PDE4D: variants seen among roughly 807,000 people sequenced by gnomAD.
PDE4D encodes the protein 3',5'-cyclic-AMP phosphodiesterase 4D.
In PDE4D, 24 loss-of-function variants were observed where a neutral mutation model predicts 87.4. The observed-to-expected ratio is 0.27, with a 90% CI of 0.20 to 0.39. PDE4D has a LOEUF of 0.39. PDE4D is among the 10% of genes least tolerant of loss of function. The pLI, the probability that PDE4D is intolerant of heterozygous loss-of-function variation, is 1.00. For missense variants in PDE4D, 714 were observed against 1,041.0 expected, an observed-to-expected ratio of 0.69 and a Z score of 4.32; for synonymous variants, 384 against 383.2, an observed-to-expected ratio of 1.00 and a Z score of -0.02.
At chr5:59,775,518 A>T (rs967623529) in intron 1 of PDE4D, among the ~76,000 whole-genome samples, 1 of 152,086 alleles carries the variant, frequency 6.6e-6, no homozygotes, top group African/African-American at 2.4e-5. Context: ...AAAAAAATTA[A>T]ATAACTTCCT....
chr5:60,046,170 CTGT>C (rs896651168), intron 2 of PDE4D, among the ~76,000 whole-genome samples: 3 of 152,126 alleles, frequency 2.0e-5, no homozygotes, highest in African/African-American at 7.2e-5. Context: ...CTCTGTTTGT[CTGT>C]TGTTGGTGTA....
At chr5:59,863,735 T>C (rs1351417111) in intron 1 of PDE4D, among the ~76,000 whole-genome samples, 1 of 152,220 alleles carries the variant, frequency 6.6e-6, no homozygotes. Flanking sequence ...ACATGAGATG[T>C]CTTTTAGTTC....
chr5:59,628,722 G>T (rs984002374), intron 1 of PDE4D, among the ~76,000 whole-genome samples: 5 of 152,122 alleles, frequency 3.3e-5, no homozygotes, highest in African/African-American at 1.2e-4. Context: ...ATGATTCTAT[G>T]ATTTACTTTG....
At chr5:59,059,730 A>G (rs1043876655) in intron 5 of PDE4D, among the ~76,000 whole-genome samples, 2 of 152,212 alleles carry the variant, frequency 1.3e-5, no homozygotes, top group African/African-American at 4.8e-5. Flanking sequence ...AGCACAAAAT[A>G]ACACAACTTT....
Position 59,600,328 on chromosome 5 carries a change from G to A in PDE4D, c.455+292840C>T, listed in dbSNP as rs145166545. On this transcript the variant is annotated intron_variant, in intron 1 of 14. Coordinates refer to ENST00000340635, the MANE Select transcript of PDE4D (RefSeq NM_001104631.2). ...CAAGTTCTTGCTCAGGCATGAAAGG[G>A]TGCATTTTCTGCCTTTGGTCCTGGT... is the stretch of plus-strand genomic sequence containing the variant. 4.6e-3 allele frequency among the ~76,000 whole-genome samples: 703 copies of A among 152,276 alleles called. 8 individuals are homozygous for A. The highest frequency in any genetic ancestry group is 0.015 in the African/African-American group (635 of 41,560).
intron 2 of PDE4D, among the ~76,000 whole-genome samples, chr5:60,072,299 G>C (rs1372136653): frequency 2.6e-5 from 4 of 152,054 alleles, no homozygotes; most frequent in African/African-American, 9.7e-5. Flanking sequence ...ATGCTTGTTA[G>C]CTGCACGTAC....
chr5:59,849,535 T>C (rs925059299), intron 1 of PDE4D, among the ~76,000 whole-genome samples: 1 of 151,934 alleles, frequency 6.6e-6, no homozygotes, highest in Admixed American at 6.6e-5. Context: ...CTCATCTCTA[T>C]TATTTATATG....
intron 2 of PDE4D, among the ~76,000 whole-genome samples, chr5:60,157,778 A>G (rs1483036829): frequency 6.6e-6 from 1 of 152,172 alleles, no homozygotes; most frequent in Non-Finnish European, 1.5e-5. Flanking sequence ...CACTGCTCCC[A>G]ACTCAGTTAG....
intron 1 of PDE4D, among the ~76,000 whole-genome samples, chr5:59,606,941 G>T (rs543195124): frequency 2.0e-5 from 3 of 151,924 alleles, no homozygotes; most frequent in South Asian, 2.1e-4. Flanking sequence ...TACAGAAGGG[G>T]GGGAAGGGGA....
intron 1 of PDE4D, among the ~76,000 whole-genome samples, chr5:59,268,403 C>T (rs2153539592): frequency 6.6e-6 from 1 of 152,172 alleles, no homozygotes; most frequent in Admixed American, 6.6e-5. Context: ...ATATCACTGG[C>T]ACGGGCTCTC....
At chr5:60,000,603 A>G (rs765818484) in intron 2 of PDE4D, among the ~76,000 whole-genome samples, 3 of 152,240 alleles carry the variant, frequency 2.0e-5, no homozygotes, top group Non-Finnish European at 2.9e-5. Context: ...AAAGTATGCT[A>G]GACAGCAACA....
chr5:60,025,421 A>G (rs995641492), intron 2 of PDE4D, among the ~76,000 whole-genome samples: 1 of 152,168 alleles, frequency 6.6e-6, no homozygotes, highest in Admixed American at 6.6e-5. Context: ...ACTATGCTAG[A>G]TCCTGGGGAT....
At chr5:60,504,071 G>C (rs1024720821) in intron 1 of PDE4D, among the ~76,000 whole-genome samples, 6 of 152,038 alleles carry the variant, frequency 3.9e-5, no homozygotes, top group African/African-American at 1.4e-4. Flanking sequence ...ATTTTAAAAA[G>C]AAAAGAAAGA....
chr5:60,311,599 C>G (rs902701967), intron 1 of PDE4D, among the ~76,000 whole-genome samples: 7 of 152,176 alleles, frequency 4.6e-5, no homozygotes, highest in African/African-American at 1.7e-4. Context: ...ACATTACCCA[C>G]CACCATGAAA....
At position 59,275,524 on chromosome 5, in the gene PDE4D, C is replaced by T. The variant is rs1333488804; in HGVS notation, c.456-59556G>A. The T allele has an allele frequency of 1.4e-5, 21 of 1,463,970 alleles. No individual in the cohort carries two copies. The Admixed American group carries it at 3.3e-4, about 23-fold the overall frequency. 90.7% of individuals were successfully genotyped at this position (1,463,970 alleles called of 1,614,324 possible). A position where few individuals can be genotyped will look rare whatever the true frequency, so the allele number is the denominator to read the frequency against. On this transcript the variant is annotated intron_variant, in intron 1 of 14. Coordinates refer to ENST00000340635, the MANE Select transcript of PDE4D (RefSeq NM_001104631.2). The stretch of plus-strand genomic sequence containing the variant: ...TCCAAGGGAGGCTGCTTGAAGAAAT[C>T]CAATTTTCCTGGAGTCCATCTCCTG...
intron 1 of PDE4D, among the ~76,000 whole-genome samples, chr5:60,362,774 G>A (rs573198866): frequency 3.2e-4 from 49 of 151,556 alleles, no homozygotes; most frequent in African/African-American, 9.2e-4. Flanking sequence ...CAGAAGAATC[G>A]CTTGAACCTG....
chr5:59,042,888 G>A (rs1298954246), intron 5 of PDE4D, among the ~76,000 whole-genome samples: 2 of 152,196 alleles, frequency 1.3e-5, no homozygotes, highest in Non-Finnish European at 2.9e-5. Context: ...AGAAGATGCT[G>A]AAGAAGCAGC....
chr5:59,482,688 C>A (rs1443030585), intron 1 of PDE4D, among the ~76,000 whole-genome samples: 1 of 152,066 alleles, frequency 6.6e-6, no homozygotes. Context: ...CATAACAGGG[C>A]AAAATTTTTT....
intron 1 of PDE4D, among the ~76,000 whole-genome samples, chr5:60,466,275 T>C (rs2150182223): frequency 6.6e-6 from 1 of 152,320 alleles, no homozygotes; most frequent in South Asian, 2.1e-4. Context: ...ACAAATTGGC[T>C]GCTTGTTGTT....
Sources: allele counts gnomAD v4.1 joint callset (sites outside exome capture counted in the v4.1 genomes callset), GRCh38; gene constraint gnomAD v4.1.1; transcripts MANE v1.5; gene names NCBI Gene and HGNC (gene_info 2026-07-23, HGNC 2026-07-21).